SLC20A2: variants seen among roughly 807,000 people sequenced by gnomAD.
The protein encoded by SLC20A2 is sodium-dependent phosphate transporter 2.
SLC20A2 carries 30 observed loss-of-function variants against 61.0 expected under a neutral mutation model. That is an observed-to-expected ratio of 0.49 (90% CI 0.37 to 0.67). The LOEUF is 0.67. Among genes scored for constraint, SLC20A2 ranks in the 30% least tolerant of loss-of-function variants. SLC20A2 has a pLI of 0.00. For missense variants in SLC20A2, 626 were observed against 866.4 expected, an observed-to-expected ratio of 0.72 and a Z score of 3.48; for synonymous variants, 351 against 353.3, an observed-to-expected ratio of 0.99 and a Z score of 0.07.
At chr8:42,522,252 A>G (rs1811640340) in intron 1 of SLC20A2, among the ~76,000 whole-genome samples, 1 of 122,024 alleles carries the variant, frequency 8.2e-6, no homozygotes, top group African/African-American at 2.5e-5. Flanking sequence ...GTGGCTGCTG[A>G]TAAATATCCT....
At chr8:42,440,777 T>C (rs1355895573) in intron 6 of SLC20A2, among the ~76,000 whole-genome samples, 1 of 152,184 alleles carries the variant, frequency 6.6e-6, no homozygotes, top group Non-Finnish European at 1.5e-5. Flanking sequence ...CAAAATTTAG[T>C]ACTGTCAGTA....
intron 1 of SLC20A2, among the ~76,000 whole-genome samples, chr8:42,510,543 T>C (rs149536362): frequency 7.2e-4 from 109 of 152,352 alleles, no homozygotes; most frequent in African/African-American, 2.6e-3. Context: ...GATTTCAATC[T>C]ATATTGTTTC....
intron 8 of SLC20A2, among the ~76,000 whole-genome samples, chr8:42,432,294 G>A (rs924449053): frequency 6.6e-6 from 1 of 152,238 alleles, no homozygotes; most frequent in East Asian, 1.9e-4. Flanking sequence ...AGCCACTGCA[G>A]ATGTGGTGGA....
intron 1 of SLC20A2, among the ~76,000 whole-genome samples, chr8:42,494,971 C>T (rs921364010): frequency 1.3e-5 from 2 of 151,958 alleles, no homozygotes; most frequent in Non-Finnish European, 2.9e-5. Context: ...CTCAGCCTCC[C>T]GAGTAGCTGG....
chr8:42,426,302 T>G (rs117668907), intron 10 of SLC20A2, among the ~76,000 whole-genome samples: 2,503 of 152,322 alleles, frequency 0.016, 26 homozygotes, highest in Non-Finnish European at 0.023. Flanking sequence ...TACTGTCCAT[T>G]CCAACACTGT....
intron 1 of SLC20A2, among the ~76,000 whole-genome samples, chr8:42,487,744 C>T (rs1809147950): frequency 6.6e-6 from 1 of 152,198 alleles, no homozygotes; most frequent in Non-Finnish European, 1.5e-5. Flanking sequence ...GTAAAATACA[C>T]ATCGCATAAA....
At chr8:42,468,171 G>A (rs992919456) in intron 2 of SLC20A2, among the ~76,000 whole-genome samples, 2 of 152,040 alleles carry the variant, frequency 1.3e-5, no homozygotes, top group African/African-American at 4.8e-5. Context: ...CAAAGTGCTC[G>A]GATTACAGGT....
chr8:42,531,318 T>C (rs1586283678), intron 1 of SLC20A2, among the ~76,000 whole-genome samples: 1 of 152,254 alleles, frequency 6.6e-6, no homozygotes, highest in East Asian at 1.9e-4. Flanking sequence ...TTCTTTTAGC[T>C]CTAAGATACC....
intron 1 of SLC20A2, among the ~76,000 whole-genome samples, chr8:42,525,236 T>C (rs1488316667): frequency 6.6e-6 from 1 of 152,178 alleles, no homozygotes; most frequent in Admixed American, 6.5e-5. Context: ...TTCGTGAGAA[T>C]GCTCACGCCT....
intron 10 of SLC20A2, chr8:42,419,683 T>A: frequency 1.0e-6 from 1 of 969,028 alleles, no homozygotes; most frequent in Non-Finnish European, 1.2e-6. Context: ...TAATACATAA[T>A]GACAAATAGT....
intron 1 of SLC20A2, among the ~76,000 whole-genome samples, chr8:42,518,442 G>A (rs1412870256): frequency 2.0e-5 from 3 of 152,124 alleles, no homozygotes; most frequent in Non-Finnish European, 4.4e-5. Context: ...ATGATATATT[G>A]AGGAGGAAAA....
chr8:42,417,082 C>G lies in SLC20A2; in HGVS notation c.*721G>C, dbSNP rs1802715898. On this transcript the variant is annotated 3_prime_UTR_variant, in exon 11 of 11. Transcript: ENST00000520262. Reference sequence around the variant, plus strand: ...AGACAGACAATGTGAAAACGTAACACTGGCCAATGATTCCCCTGCTTCTTT... The same window carrying G: ...AGACAGACAATGTGAAAACGTAACAGTGGCCAATGATTCCCCTGCTTCTTT... 1 of 152,748 alleles carries G rather than the reference C, an allele frequency of 6.5e-6. No homozygotes were observed. The highest frequency in any genetic ancestry group is 1.5e-5 in the Non-Finnish European group (1 of 68,106). The allele number at this position is 152,748 out of a possible 1,614,324, so 9.5% of individuals were successfully genotyped here.
chr8:42,453,421 A>C (rs925890061), intron 5 of SLC20A2, among the ~76,000 whole-genome samples: 5 of 152,236 alleles, frequency 3.3e-5, no homozygotes, highest in Non-Finnish European at 7.3e-5. Context: ...AATGTAAAGT[A>C]ACACAAATCA....
chr8:42,457,483 C>CT (rs35136224), intron 5 of SLC20A2, among the ~76,000 whole-genome samples: 3,402 of 143,392 alleles, frequency 0.024, 91 homozygotes, highest in African/African-American at 0.064. Flanking sequence ...AGTATTTAAA[C>CT]TTTTTTTTTT....
At chr8:42,470,837 G>A (rs1368532171) in intron 2 of SLC20A2, among the ~76,000 whole-genome samples, 2 of 151,920 alleles carry the variant, frequency 1.3e-5, no homozygotes, top group African/African-American at 2.4e-5. Context: ...AGCCAGGTGC[G>A]GTGGCACACG....
At chr8:42,455,257 T>TATATAGAGAG (rs1357416749) in intron 5 of SLC20A2, among the ~76,000 whole-genome samples, 7 of 81,622 alleles carry the variant, frequency 8.6e-5, no homozygotes, top group African/African-American at 3.1e-4. Flanking sequence ...TATATATATA[T>TATATAGAGAG]AGAGAGAGAG....
At chr8:42,458,944 C>CCCG (rs1554556364) in intron 5 of SLC20A2, among the ~76,000 whole-genome samples, 2 of 136,172 alleles carry the variant, frequency 1.5e-5, no homozygotes, top group African/African-American at 5.5e-5. Flanking sequence ...TTTTTAACCC[C>CCCG]CCCCCCCACA....
upstream of SLC20A2, among the ~76,000 whole-genome samples, chr8:42,505,090 G>A (rs1346371750): frequency 1.7e-5 from 2 of 114,678 alleles, no homozygotes; most frequent in Non-Finnish European, 3.4e-5. Flanking sequence ...ACACAAGAGG[G>A]ACGCAATACC....
chr8:42,476,035 TG>T (rs1320807762), intron 1 of SLC20A2, among the ~76,000 whole-genome samples: 1 of 150,908 alleles, frequency 6.6e-6, no homozygotes, highest in Non-Finnish European at 1.5e-5. Flanking sequence ...GGATGGGGTC[TG>T]ACCACAGGTG....
Sources: allele counts gnomAD v4.1 joint callset (sites outside exome capture counted in the v4.1 genomes callset), GRCh38; gene constraint gnomAD v4.1.1; transcripts MANE v1.5; gene names NCBI Gene and HGNC (gene_info 2026-07-23, HGNC 2026-07-21).